Variants in DSTN observed in about 807,000 individuals in gnomAD.
The protein encoded by DSTN is destrin, actin depolymerizing factor.
Under a neutral mutation model 16.8 loss-of-function variants are expected in DSTN, and 10 were observed. The ratio of observed to expected loss-of-function variants is 0.60; its 90% CI spans 0.37 to 1.01. DSTN has a LOEUF of 1.01. Ranked by LOEUF, DSTN falls within the 50% of genes least tolerant of loss-of-function variation. The pLI is 0.01. For synonymous variants in DSTN, 57 were observed against 58.9 expected, an observed-to-expected ratio of 0.97 and a Z score of 0.14; for missense variants, 141 against 196.7, an observed-to-expected ratio of 0.72 and a Z score of 1.69.
In DSTN at chr20:17,604,449, G is replaced by A. The variant is rs895681260; in HGVS notation, c.312-106G>A. On this transcript the variant is annotated intron_variant, in intron 2 of 3. Transcript: ENST00000246069. ...GCAGTTAAGAAAAAATATCTCAGGA[G>A]AGTCTGAGGATTCTCAGCAAATGTT... The A allele has an allele frequency of 3.5e-6, 4 of 1,145,372 alleles. No homozygotes were observed. The East Asian group carries it at 7.2e-5, about 21-fold the overall frequency. 71.0% of individuals were successfully genotyped at this position (1,145,372 alleles called of 1,614,324 possible).
At chr20:17,604,202 T>C (rs2035616664) in intron 2 of DSTN, among the ~76,000 whole-genome samples, 1 of 152,214 alleles carries the variant, frequency 6.6e-6, no homozygotes, top group Admixed American at 6.5e-5. Flanking sequence ...CCCTTATTAA[T>C]AATAATGAAA....
intron 2 of DSTN, among the ~76,000 whole-genome samples, chr20:17,602,251 TA>T (rs2122207717): frequency 6.6e-6 from 1 of 152,248 alleles, no homozygotes; most frequent in Non-Finnish European, 1.5e-5. Context: ...GACTGAAAAT[TA>T]ACAAGGATTT....
At chr20:17,604,264 T>A (rs964061822) in intron 2 of DSTN, among the ~76,000 whole-genome samples, 2 of 152,204 alleles carry the variant, frequency 1.3e-5, no homozygotes, top group Non-Finnish European at 2.9e-5. Context: ...TCAGTGTTGG[T>A]TCTTTCATTA....
At position 17,608,857 on chromosome 20, in the gene DSTN, T is replaced by C. The variant is rs1003625043; in HGVS notation, c.*1711T>C. On this transcript the variant is annotated 3_prime_UTR_variant, in exon 4 of 4. Transcript: ENST00000246069. ...ATTATTACATGTCAAAGACTGCATA[T>C]ACTATGGTGGTCCCATACAATTATA... 2.0e-5 allele frequency: 3 copies of C among 152,226 alleles called. No individual in the cohort carries two copies. Among genetic ancestry groups the C allele is most frequent in the Non-Finnish European group, 4.4e-5 (3 of 68,042 alleles). 9.4% of individuals were successfully genotyped at this position (152,226 alleles called of 1,614,324 possible).
At chr20:17,606,631 A>G (rs1222261504) in intron 3 of DSTN, among the ~76,000 whole-genome samples, 3 of 152,226 alleles carry the variant, frequency 2.0e-5, no homozygotes, top group Non-Finnish European at 2.9e-5. Context: ...CAGAGTGAAC[A>G]TAATGGTTAT....
In DSTN at chr20:17,590,784, G is replaced by T. The variant is rs144696282; in HGVS notation, c.4-9954G>T. 2.4e-3 allele frequency among the ~76,000 whole-genome samples: 359 copies of T among 152,210 alleles called. 1 individual carries two copies. Among genetic ancestry groups the T allele is most frequent in the African/African-American group, 8.3e-3 (346 of 41,510 alleles). On this transcript the variant is annotated intron_variant, in intron 1 of 3. Transcript: ENST00000246069. ...AAAGTTTAGGTTTCTTGACAAATGAGCAATTAAATCTAATAACCTAACATT... is the reference window on the plus strand; with the variant it reads ...AAAGTTTAGGTTTCTTGACAAATGATCAATTAAATCTAATAACCTAACATT...
intron 1 of DSTN, among the ~76,000 whole-genome samples, chr20:17,570,949 T>C (rs1025647967): frequency 6.6e-6 from 1 of 152,208 alleles, no homozygotes; most frequent in African/African-American, 2.4e-5. Flanking sequence ...ACAGTTGGAC[T>C]CTGCCAGAAC....
intron 1 of DSTN, among the ~76,000 whole-genome samples, chr20:17,592,970 T>TG (rs1257290522): frequency 6.6e-6 from 1 of 152,244 alleles, no homozygotes; most frequent in Non-Finnish European, 1.5e-5. Flanking sequence ...CTCTTACGCA[T>TG]GGCTTCATGT....
chr20:17,605,594 G>A (rs2035633583), intron 3 of DSTN, among the ~76,000 whole-genome samples: 1 of 152,160 alleles, frequency 6.6e-6, no homozygotes, highest in Admixed American at 6.5e-5. Context: ...CTGCTGCATA[G>A]TTTATTGCTG....
intron 1 of DSTN, among the ~76,000 whole-genome samples, chr20:17,597,503 A>G (rs1266132351): frequency 6.6e-6 from 1 of 152,140 alleles, no homozygotes; most frequent in Non-Finnish European, 1.5e-5. Flanking sequence ...TACAAGTGTA[A>G]TTTTGCTACA....
At chr20:17,597,795 A>G (rs1422564386) in intron 1 of DSTN, among the ~76,000 whole-genome samples, 1 of 152,242 alleles carries the variant, frequency 6.6e-6, no homozygotes. Context: ...GTCAACTTCC[A>G]GAACATTTTC....
At chr20:17,580,672 C>T (rs887098583) in intron 1 of DSTN, among the ~76,000 whole-genome samples, 2 of 151,448 alleles carry the variant, frequency 1.3e-5, no homozygotes, top group South Asian at 2.1e-4. Flanking sequence ...CACTTGAACC[C>T]GGGAGGCGGA....
At chr20:17,576,320 A>C (rs1475801382) in intron 1 of DSTN, 1 of 153,754 alleles carries the variant, frequency 6.5e-6, no homozygotes, top group Non-Finnish European at 1.5e-5. Context: ...CTGCTCATAT[A>C]ACCTTGACCA....
At chr20:17,593,653 G>A (rs1035999518) in intron 1 of DSTN, among the ~76,000 whole-genome samples, 5 of 152,184 alleles carry the variant, frequency 3.3e-5, no homozygotes, top group African/African-American at 9.7e-5. Flanking sequence ...TAGGCAGGGT[G>A]TATAGTATGA....
At chr20:17,574,725 CAAAAAAA>C (rs775060379) in intron 1 of DSTN, among the ~76,000 whole-genome samples, 4 of 52,994 alleles carry the variant, frequency 7.5e-5, no homozygotes, top group African/African-American at 2.5e-4. Context: ...GACTCAGTCT[CAAAAAAA>C]AAAAAAAAAA....
chr20:17,594,964 C>A (rs1180828863), intron 1 of DSTN, among the ~76,000 whole-genome samples: 1 of 152,148 alleles, frequency 6.6e-6, no homozygotes. Context: ...TTGAGACACA[C>A]AACTGGAGAT....
At chr20:17,574,188 G>A (rs1045553631) in intron 1 of DSTN, among the ~76,000 whole-genome samples, 4 of 151,718 alleles carry the variant, frequency 2.6e-5, no homozygotes, top group African/African-American at 4.8e-5. Flanking sequence ...TGGCCACAGC[G>A]GGAGACCCTG....
rs1303769571 is a variant in DSTN, at chr20:17,607,113, C to T, written c.465C>T (p.Ser155=). Residue 155 remains serine, a synonymous_variant, in exon 4 of 4, where the codon TCC becomes TCT. Coordinates refer to ENST00000246069, the MANE Select transcript of DSTN (RefSeq NM_006870.4). ...RACIAEKLGG[S]LIVAFEGCPV ...GTATTGCTGAAAAGTTAGGTGGATC[C>T]TTAATTGTAGCCTTTGAAGGATGCC... is the stretch of plus-strand genomic sequence containing the variant. 5.6e-6 allele frequency: 9 copies of T among 1,612,812 alleles called. No homozygotes were observed. Among genetic ancestry groups the T allele is most frequent in the Non-Finnish European group, 7.6e-6 (9 of 1,179,960 alleles).
chr20:17,570,120 T>A lies in DSTN; in HGVS notation c.-89T>A. The A allele has an allele frequency of 6.7e-7, 1 of 1,503,242 alleles. No homozygotes were observed. The highest frequency in any genetic ancestry group is 8.8e-7 in the Non-Finnish European group (1 of 1,130,830). 93.1% of individuals were successfully genotyped at this position (1,503,242 alleles called of 1,614,324 possible). ...CGCCGCGTCAGCTCAGCGCTGGGTC[T>A]CTCGGTCCCGCAGCCGTGAGGAGGA... is the stretch of plus-strand genomic sequence containing the variant. On this transcript the variant is annotated 5_prime_UTR_variant, in exon 1 of 4. Coordinates refer to ENST00000246069, the MANE Select transcript of DSTN (RefSeq NM_006870.4).
Sources: allele counts gnomAD v4.1 joint callset (sites outside exome capture counted in the v4.1 genomes callset), GRCh38; gene constraint gnomAD v4.1.1; transcripts MANE v1.5; gene names NCBI Gene and HGNC (gene_info 2026-07-23, HGNC 2026-07-21).